Variants in THSD4 observed in about 807,000 individuals in gnomAD.
The protein encoded by THSD4 is thrombospondin type-1 domain-containing protein 4.
A neutral mutation model predicts 119.0 loss-of-function variants in THSD4; 69 were observed. The ratio of observed to expected loss-of-function variants is 0.58; its 90% CI spans 0.48 to 0.71. THSD4 has a LOEUF of 0.71. Ranked by LOEUF, THSD4 falls within the 30% of genes least tolerant of loss-of-function variation. THSD4 has a pLI of 0.00. For synonymous variants in THSD4, 524 were observed against 540.4 expected, an observed-to-expected ratio of 0.97 and a Z score of 0.42; for missense variants, 1,393 against 1,391.1, an observed-to-expected ratio of 1.00 and a Z score of -0.02.
At chr15:71,441,604 A>T (rs2140557412) in intron 7 of THSD4, among the ~76,000 whole-genome samples, 1 of 151,882 alleles carries the variant, frequency 6.6e-6, no homozygotes, top group South Asian at 2.1e-4. Context: ...TATGTTGGCC[A>T]GGCTGGTCTC....
At chr15:71,696,349 T>G (rs2052165497) in intron 8 of THSD4, among the ~76,000 whole-genome samples, 1 of 152,146 alleles carries the variant, frequency 6.6e-6, no homozygotes, top group Admixed American at 6.5e-5. Context: ...CCCACTCTTT[T>G]GGGAACTAAC....
At chr15:71,608,243 TATATATACACAC>T (rs2050151813) in intron 7 of THSD4, among the ~76,000 whole-genome samples, 2 of 82,784 alleles carry the variant, frequency 2.4e-5, no homozygotes, top group African/African-American at 7.3e-5. Flanking sequence ...AAAAAATATA[TATATATACACAC>T]ACACACACAC....
intron 7 of THSD4, among the ~76,000 whole-genome samples, chr15:71,576,584 A>G (rs1032038398): frequency 1.4e-4 from 21 of 152,316 alleles, no homozygotes; most frequent in Non-Finnish European, 2.8e-4. Flanking sequence ...TAGGACAGTC[A>G]TGTACATAGT....
intron 7 of THSD4, among the ~76,000 whole-genome samples, chr15:71,657,119 T>A (rs1747685919): frequency 6.6e-6 from 1 of 152,214 alleles, no homozygotes; most frequent in Non-Finnish European, 1.5e-5. Context: ...ATGCAAGCGT[T>A]CCTCATGGCC....
At chr15:71,674,979 T>C (rs1004719033) in intron 8 of THSD4, among the ~76,000 whole-genome samples, 1 of 152,220 alleles carries the variant, frequency 6.6e-6, no homozygotes, top group African/African-American at 2.4e-5. Flanking sequence ...ATTTTTAAAA[T>C]AACAATAAAT....
At chr15:71,722,669 G>A (rs753483294) in intron 8 of THSD4, among the ~76,000 whole-genome samples, 18 of 152,108 alleles carry the variant, frequency 1.2e-4, no homozygotes, top group South Asian at 4.1e-4. Flanking sequence ...GATTCAAAAT[G>A]TTTAAACTTT....
At chr15:71,340,207 G>A (rs903871324) in intron 6 of THSD4, among the ~76,000 whole-genome samples, 12 of 152,212 alleles carry the variant, frequency 7.9e-5, no homozygotes, top group Admixed American at 5.9e-4. Context: ...CTGAGGCAGT[G>A]TGCGGGTACA....
chr15:71,125,663 C>G (rs1185141921), intron 1 of THSD4, among the ~76,000 whole-genome samples: 1 of 152,148 alleles, frequency 6.6e-6, no homozygotes, highest in African/African-American at 2.4e-5. Context: ...GCGCCTCCAG[C>G]TGGGTGCAGA....
At chr15:71,317,459 G>T (rs888705252) in intron 6 of THSD4, among the ~76,000 whole-genome samples, 1 of 152,184 alleles carries the variant, frequency 6.6e-6, no homozygotes, top group African/African-American at 2.4e-5. Context: ...GAGAGCATGT[G>T]CAGGGGAACT....
intron 6 of THSD4, among the ~76,000 whole-genome samples, chr15:71,305,508 A>T (rs2045011911): frequency 6.6e-6 from 1 of 152,148 alleles, no homozygotes; most frequent in Non-Finnish European, 1.5e-5. Flanking sequence ...CCAGACACAT[A>T]CAAGTTCCTA....
chr15:71,671,889 C>T (rs985867367), intron 8 of THSD4, among the ~76,000 whole-genome samples: 3 of 152,136 alleles, frequency 2.0e-5, no homozygotes, highest in African/African-American at 7.2e-5. Flanking sequence ...TTACTGTAGC[C>T]TTGTAGTATA....
intron 7 of THSD4, among the ~76,000 whole-genome samples, chr15:71,615,375 C>CA (rs1192487941): frequency 6.6e-6 from 1 of 152,054 alleles, no homozygotes; most frequent in African/African-American, 2.4e-5. Context: ...AGACAACAAG[C>CA]AAAAACCTGT....
chr15:71,490,862 T>C (rs182648746), intron 7 of THSD4, among the ~76,000 whole-genome samples: 2 of 152,386 alleles, frequency 1.3e-5, no homozygotes, highest in East Asian at 3.9e-4. Flanking sequence ...CATTTGTTTC[T>C]GTATTGTCTT....
At chr15:71,319,472 C>T (rs1459920832) in intron 6 of THSD4, among the ~76,000 whole-genome samples, 1 of 143,052 alleles carries the variant, frequency 7.0e-6, no homozygotes, top group Non-Finnish European at 1.5e-5. Context: ...CTGTTCAATT[C>T]CCACCTGTCA....
At chr15:71,670,495 T>G (rs1190365310) in intron 8 of THSD4, among the ~76,000 whole-genome samples, 1 of 150,960 alleles carries the variant, frequency 6.6e-6, no homozygotes, top group Non-Finnish European at 1.5e-5. Context: ...AGATTTAAAT[T>G]TTACATATAT....
At chr15:71,198,292 C>T (rs1044468518) in intron 3 of THSD4, among the ~76,000 whole-genome samples, 4 of 152,208 alleles carry the variant, frequency 2.6e-5, no homozygotes, top group South Asian at 2.1e-4. Flanking sequence ...CTGGAGAATG[C>T]GGTGGGGAAA....
At chr15:71,571,767 C>T (rs1480610222) in intron 7 of THSD4, among the ~76,000 whole-genome samples, 2 of 152,136 alleles carry the variant, frequency 1.3e-5, no homozygotes, top group African/African-American at 4.8e-5. Context: ...TTTATTCCCC[C>T]ACGCTGATCT....
intron 6 of THSD4, among the ~76,000 whole-genome samples, chr15:71,262,610 G>A (rs1177887191): frequency 6.8e-6 from 1 of 147,132 alleles, no homozygotes; most frequent in Non-Finnish European, 1.5e-5. Context: ...TTATGTTTGG[G>A]TAGCTTGAGT....
chr15:71,324,130 G>A (rs2045310232), intron 6 of THSD4, among the ~76,000 whole-genome samples: 1 of 151,410 alleles, frequency 6.6e-6, no homozygotes, highest in East Asian at 1.9e-4. Flanking sequence ...CTCTGTATCT[G>A]TTTATATATT....
Sources: gnomAD v4.1 joint callset for allele counts (sites outside exome capture counted in the v4.1 genomes callset) on GRCh38, gnomAD v4.1.1 for gene constraint, MANE v1.5 for transcripts, NCBI Gene and HGNC (gene_info 2026-07-23, HGNC 2026-07-21) for gene names.